PIBF1: variants seen among roughly 807,000 people sequenced by gnomAD.
PIBF1 encodes the protein progesterone-induced-blocking factor 1.
A neutral mutation model predicts 112.5 loss-of-function variants in PIBF1; 90 were observed. The observed-to-expected ratio is 0.80, with a 90% CI of 0.67 to 0.95. The LOEUF is 0.95. PIBF1 is among the 40% of genes least tolerant of loss of function. PIBF1 has a pLI of 0.00. For missense variants in PIBF1, 915 were observed against 852.3 expected (o/e 1.07, Z -0.92); for synonymous variants, 301 against 288.6 (o/e 1.04, Z -0.44).
chr13:73,015,008 A>G (rs146525212), intron 17 of PIBF1, among the ~76,000 whole-genome samples: 4 of 151,968 alleles, frequency 2.6e-5, no homozygotes, highest in South Asian at 2.1e-4. Context: ...CTGATCTCAA[A>G]CTCCTGACCT....
intron 9 of PIBF1, among the ~76,000 whole-genome samples, chr13:72,847,913 G>T (rs2037945381): frequency 1.3e-5 from 2 of 152,186 alleles, no homozygotes; most frequent in African/African-American, 4.8e-5. Context: ...GAAGACGCTG[G>T]AGGTAGAGAT....
Position 72,968,758 on chromosome 13 carries a change from A to G in PIBF1, c.1964+3354A>G, listed in dbSNP as rs573729430. 2.6e-4 allele frequency among the ~76,000 whole-genome samples: 39 copies of G among 152,268 alleles called. 1 individual carries two copies. The South Asian group carries it at 8.1e-3, about 32-fold the overall frequency. Reference sequence around the variant, plus strand: ...GCCAATGGCTGTGGTATTGCACAGTACAGCCAGTTTCCTCATATGTGAAAT... The same window carrying G: ...GCCAATGGCTGTGGTATTGCACAGTGCAGCCAGTTTCCTCATATGTGAAAT... On this transcript the variant is annotated intron_variant, in intron 15 of 17. Transcript: ENST00000326291.
chr13:72,838,035 A>G (rs375312063), intron 9 of PIBF1, among the ~76,000 whole-genome samples: 1 of 152,234 alleles, frequency 6.6e-6, no homozygotes, highest in Non-Finnish European at 1.5e-5. Context: ...ACTTGCTCTG[A>G]AAGTTCAAAA....
chr13:72,877,941 G>T (rs2039476189), intron 10 of PIBF1, among the ~76,000 whole-genome samples: 1 of 151,862 alleles, frequency 6.6e-6, no homozygotes, highest in African/African-American at 2.4e-5. Flanking sequence ...TAGAGATGGG[G>T]TTTCTCCATG....
rs531299043 is a variant in PIBF1, at chr13:73,000,041, AAAAATAAAAT to A, written c.2223+1059_2223+1068del. ...GGCGAGAGAGTGAAACTCTGCCTCA[AAAAATAAAAT>A]AAAATAAAATAAGGGACAATTATTT... On this transcript the variant is annotated intron_variant, in intron 17 of 17. Transcript: ENST00000326291. Among the ~76,000 whole-genome samples, 365 of 152,358 alleles carry A rather than the reference AAAAATAAAAT, an allele frequency of 2.4e-3. 1 individual carries two copies. Among genetic ancestry groups the A allele is most frequent in the African/African-American group, 8.3e-3 (344 of 41,576 alleles).
intron 5 of PIBF1, among the ~76,000 whole-genome samples, chr13:72,800,821 GA>G (rs541103476): frequency 4.8e-4 from 73 of 152,140 alleles, no homozygotes; most frequent in African/African-American, 1.5e-3. Context: ...ATAGAAAAAA[GA>G]AAAAAATAGT....
intron 14 of PIBF1, among the ~76,000 whole-genome samples, chr13:72,957,192 A>G (rs1168816479): frequency 6.6e-6 from 1 of 152,208 alleles, no homozygotes; most frequent in East Asian, 1.9e-4. Flanking sequence ...AAGATATTAT[A>G]CGAAAAAGAT....
intron 5 of PIBF1, among the ~76,000 whole-genome samples, chr13:72,803,763 T>C (rs2035597646): frequency 6.6e-6 from 1 of 151,794 alleles, no homozygotes; most frequent in African/African-American, 2.4e-5. Context: ...TAGAGGAGGG[T>C]TTACAAAAAG....
chr13:72,886,957 T>G (rs9543159), intron 10 of PIBF1, among the ~76,000 whole-genome samples: 269 of 151,734 alleles, frequency 1.8e-3, no homozygotes, highest in Non-Finnish European at 2.4e-3. Flanking sequence ...TAAAAGTTTT[T>G]CCTAGTTTGT....
At chr13:72,843,168 C>T (rs1398063623) in intron 9 of PIBF1, among the ~76,000 whole-genome samples, 9 of 152,102 alleles carry the variant, frequency 5.9e-5, no homozygotes, top group African/African-American at 1.7e-4. Context: ...TTTATAACTA[C>T]GGTTGCAATG....
chr13:72,901,223 A>G (rs2040472739), intron 11 of PIBF1: 3 of 240,194 alleles, frequency 1.2e-5, no homozygotes, highest in South Asian at 7.6e-5. Context: ...AAAAAAAACA[A>G]TCCCATCAAA....
chr13:72,853,963 A>G (rs1355191305), intron 9 of PIBF1, 94 bp from the exon 10 acceptor site: 2 of 954,682 alleles, frequency 2.1e-6, no homozygotes, highest in East Asian at 2.6e-5. Context: ...AACTTCTCAG[A>G]TGGGTCCTTA....
intron 14 of PIBF1, among the ~76,000 whole-genome samples, chr13:72,961,034 CTT>C (rs781086818): frequency 7.3e-6 from 1 of 137,724 alleles, no homozygotes; most frequent in Non-Finnish European, 1.6e-5. Flanking sequence ...TCATTTCCTT[CTT>C]TTTTTTTTTT....
chr13:72,832,071 CCT>C lies in PIBF1; in HGVS notation c.1098-3171_1098-3170del, dbSNP rs1491444075. 2.7e-3 allele frequency among the ~76,000 whole-genome samples: 160 copies of C among 59,452 alleles called. 22 individuals are homozygous for C. The highest frequency in any genetic ancestry group is 0.015 in the East Asian group (25 of 1,626). 39.0% of individuals were successfully genotyped at this position (59,452 alleles called of 152,430 possible). On this transcript the variant is annotated intron_variant, in intron 8 of 17. Coordinates refer to ENST00000326291, the MANE Select transcript of PIBF1 (RefSeq NM_006346.4). ...TCAGAGATTAGAATTGCAATTCCGG[CCT>C]TTTTTTTTTTTTTTTTTTTTTTTTT...
At chr13:72,784,338 C>T (rs563940285) in intron 2 of PIBF1, among the ~76,000 whole-genome samples, 4 of 150,882 alleles carry the variant, frequency 2.7e-5, no homozygotes, top group African/African-American at 7.3e-5. Context: ...CCCAGCTGCT[C>T]GGGAGGCTGA....
At chr13:72,998,768 G>C in intron 16 of PIBF1, 54 bp from the exon 17 acceptor site, 1 of 1,197,442 alleles carries the variant, frequency 8.4e-7, no homozygotes, top group Non-Finnish European at 1.2e-6. Flanking sequence ...ATCATTATTA[G>C]TCTGCTTGCT....
intron 17 of PIBF1, among the ~76,000 whole-genome samples, chr13:73,008,936 T>A (rs2044116626): frequency 6.6e-6 from 1 of 152,220 alleles, no homozygotes; most frequent in Non-Finnish European, 1.5e-5. Flanking sequence ...GTCCCACTGC[T>A]AGTTCAGCAG....
intron 9 of PIBF1, among the ~76,000 whole-genome samples, chr13:72,843,637 C>G (rs1001914932): frequency 5.9e-5 from 9 of 152,190 alleles, no homozygotes; most frequent in African/African-American, 2.2e-4. Context: ...GTCTGGAACT[C>G]CTGACCTCAG....
At chr13:72,927,842 A>G (rs2138744747) in intron 13 of PIBF1, among the ~76,000 whole-genome samples, 1 of 149,608 alleles carries the variant, frequency 6.7e-6, no homozygotes, top group East Asian at 2.0e-4. Context: ...ATTTTATATT[A>G]TCTTTTGTTC....
Sources: allele counts gnomAD v4.1 joint callset (sites outside exome capture counted in the v4.1 genomes callset), GRCh38; gene constraint gnomAD v4.1.1; transcripts MANE v1.5; gene names NCBI Gene and HGNC (gene_info 2026-07-23, HGNC 2026-07-21).